FYB2: variants seen among roughly 807,000 people sequenced by gnomAD.
The protein encoded by FYB2 is FYN binding protein 2.
A neutral mutation model predicts 94.1 loss-of-function variants in FYB2; 103 were observed. The ratio of observed to expected loss-of-function variants is 1.09; its 90% CI spans 0.93 to 1.29. FYB2 has a LOEUF of 1.29. Ranked by LOEUF, FYB2 falls within the 50% of genes most tolerant of loss-of-function variation. The pLI, the probability that FYB2 is intolerant of heterozygous loss-of-function variation, is 0.00. For synonymous variants in FYB2, 293 were observed against 287.9 expected, an observed-to-expected ratio of 1.02 and a Z score of -0.18; for missense variants, 896 against 841.5, an observed-to-expected ratio of 1.06 and a Z score of -0.80.
chr1:56,757,672 CTCT>C (rs1373018367), intron 6 of FYB2, among the ~76,000 whole-genome samples: 69 of 98,506 alleles, frequency 7.0e-4, no homozygotes, highest in African/African-American at 2.4e-3. Context: ...TCTTTCTTTC[CTCT>C]TTCCTTCCTT....
At chr1:56,807,073 TG>T (rs1360696727) in intron 1 of FYB2, among the ~76,000 whole-genome samples, 1 of 152,150 alleles carries the variant, frequency 6.6e-6, no homozygotes, top group African/African-American at 2.4e-5. Flanking sequence ...CACTAGAAAC[TG>T]CCTGCCAGGG....
chr1:56,769,100 G>A (rs61765518), intron 4 of FYB2, among the ~76,000 whole-genome samples: 4,983 of 152,018 alleles, frequency 0.033, 110 homozygotes, highest in African/African-American at 0.062. Flanking sequence ...GTACAGTGGC[G>A]CAATCTCAGC....
intron 15 of FYB2, among the ~76,000 whole-genome samples, chr1:56,734,652 G>C (rs1644791616): frequency 6.6e-6 from 1 of 151,636 alleles, no homozygotes; most frequent in African/African-American, 2.4e-5. Context: ...ATCACACACT[G>C]GGGCTTGTCA....
At chr1:56,812,093 C>T (rs1646781784) in intron 1 of FYB2, among the ~76,000 whole-genome samples, 1 of 152,178 alleles carries the variant, frequency 6.6e-6, no homozygotes, top group Admixed American at 6.5e-5. Flanking sequence ...ATTATATCAA[C>T]AACTATGAAT....
intron 9 of FYB2, among the ~76,000 whole-genome samples, chr1:56,746,106 A>G (rs1487002301): frequency 6.6e-6 from 1 of 151,894 alleles, no homozygotes; most frequent in East Asian, 1.9e-4. Flanking sequence ...TATTAATACC[A>G]TTCAATATAG....
chr1:56,792,047 G>T lies in FYB2; in HGVS notation c.757+9C>A, dbSNP rs538873132. The T allele has an allele frequency of 1.3e-6, 2 of 1,562,012 alleles. No individual in the cohort carries two copies. Among genetic ancestry groups the T allele is most frequent in the South Asian group, 2.5e-5 (2 of 80,492 alleles). ...CTAGCCCCTGTCCCATGGGGATCAC[G>T]TTTGTTACCTGGGGCCTGACTGGCA... On this transcript the variant is annotated intron_variant, in intron 2 of 19. Transcript: ENST00000343433.
At chr1:56,734,094 C>T (rs1443072893) in intron 15 of FYB2, among the ~76,000 whole-genome samples, 1 of 152,086 alleles carries the variant, frequency 6.6e-6, no homozygotes, top group Non-Finnish European at 1.5e-5. Flanking sequence ...AATCTGGGTG[C>T]TCCTGTATTG....
At chr1:56,803,410 T>C (rs1026581874) in intron 1 of FYB2, among the ~76,000 whole-genome samples, 1 of 152,202 alleles carries the variant, frequency 6.6e-6, no homozygotes, top group Non-Finnish European at 1.5e-5. Flanking sequence ...CCTCACATTT[T>C]CTTAAGAAGG....
intron 17 of FYB2, among the ~76,000 whole-genome samples, chr1:56,722,155 A>C (rs1276390748): frequency 1.3e-5 from 2 of 152,110 alleles, no homozygotes; most frequent in Non-Finnish European, 2.9e-5. Flanking sequence ...TAATCAAGTA[A>C]CATCAGGGTT....
Position 56,819,320 on chromosome 1 carries a change from C to G in FYB2, c.-30G>C, listed in dbSNP as rs770811922. On this transcript the variant is annotated 5_prime_UTR_variant, in exon 1 of 20. Transcript: ENST00000343433. ...TTCCTCCAAGGCAGAGTCAGGGAAA[C>G]AAGCCCAGCCTCTCAGAGCTGGGTC... The G allele has an allele frequency of 2.5e-6, 4 of 1,614,120 alleles. No individual in the cohort carries two copies. The South Asian group carries it at 3.3e-5, about 13-fold the overall frequency.
At chr1:56,811,792 C>G (rs1219753645) in intron 1 of FYB2, among the ~76,000 whole-genome samples, 2 of 152,152 alleles carry the variant, frequency 1.3e-5, no homozygotes, top group African/African-American at 4.8e-5. Context: ...AAAACAGCAG[C>G]AACATACACT....
chr1:56,825,241 A>C, the FYB2 span: 1 of 152,262 alleles, frequency 6.6e-6, no homozygotes, highest in Non-Finnish European at 1.5e-5. Flanking sequence ...CATTTTACAA[A>C]TGACAGAATA....
At position 56,720,046 on chromosome 1, in the gene FYB2, A is replaced by C. The variant is rs757524202; in HGVS notation, c.2141T>G (p.Val714Gly). 1 of 1,601,848 alleles carries C rather than the reference A, an allele frequency of 6.2e-7. No individual in the cohort carries two copies. The highest frequency in any genetic ancestry group is 1.7e-5 in the Admixed American group (1 of 57,742). ...CRNSKGKYGYVLIEHLDFKHQ... is the reference protein window; with the variant it reads ...CRNSKGKYGYGLIEHLDFKHQ... ...CTTGAAATCTAGATGTTCAATGAGCACATATCCATCTAATAGAAACAAAAG... is the reference window on the plus strand; with the variant it reads ...CTTGAAATCTAGATGTTCAATGAGCCCATATCCATCTAATAGAAACAAAAG... The change falls in exon 19 of 20, where the codon GTG (valine) becomes GGG (glycine). Residue 714 changes from valine (V) to glycine (G), a missense_variant. Physicochemically the swap from Val to Gly is moderately radical, Grantham distance 109 (BLOSUM62 -3). Coordinates refer to ENST00000343433, the MANE Select transcript of FYB2 (RefSeq NM_001004303.5).
At chr1:56,757,947 T>A (rs1570027617) in intron 6 of FYB2, among the ~76,000 whole-genome samples, 1 of 12,182 alleles carries the variant, frequency 8.2e-5, no homozygotes, top group African/African-American at 1.5e-3. Flanking sequence ...TTTTTGTATT[T>A]TTTTTTTTTT....
At chr1:56,805,913 T>A (rs750927668) in intron 1 of FYB2, among the ~76,000 whole-genome samples, 1 of 152,206 alleles carries the variant, frequency 6.6e-6, no homozygotes, top group South Asian at 2.1e-4. Context: ...CCCCTTTTGC[T>A]GTATAAATTA....
intron 4 of FYB2, among the ~76,000 whole-genome samples, chr1:56,773,193 G>T (rs1645800245): frequency 6.6e-6 from 1 of 152,112 alleles, no homozygotes; most frequent in South Asian, 2.1e-4. Context: ...CTAAAGCATG[G>T]ACAAGTGACC....
chr1:56,749,744 G>A (rs1008973765), intron 9 of FYB2, among the ~76,000 whole-genome samples: 1 of 151,882 alleles, frequency 6.6e-6, no homozygotes, highest in Non-Finnish European at 1.5e-5. Context: ...AACATGTAAA[G>A]AATATTTTGA....
At chr1:56,797,142 G>C (rs557093003) in intron 1 of FYB2, among the ~76,000 whole-genome samples, 1 of 152,160 alleles carries the variant, frequency 6.6e-6, no homozygotes, top group African/African-American at 2.4e-5. Context: ...GCAAAGAACA[G>C]AGGAAGGCAG....
At chr1:56,781,581 A>G (rs961585163) in intron 4 of FYB2, among the ~76,000 whole-genome samples, 1 of 152,180 alleles carries the variant, frequency 6.6e-6, no homozygotes, top group Admixed American at 6.5e-5. Flanking sequence ...GTGTGTTGCT[A>G]GTTTTACAGT....
Sources: gnomAD v4.1 joint callset for allele counts (sites outside exome capture counted in the v4.1 genomes callset) on GRCh38, gnomAD v4.1.1 for gene constraint, MANE v1.5 for transcripts, NCBI Gene and HGNC (gene_info 2026-07-23, HGNC 2026-07-21) for gene names.